Variants in PLD5 observed in about 807,000 individuals in gnomAD.
PLD5 encodes inactive phospholipase D5.
PLD5 carries 36 observed loss-of-function variants against 61.1 expected under a neutral mutation model. The observed-to-expected ratio is 0.59, with a 90% CI of 0.45 to 0.78. PLD5 has a LOEUF of 0.78. Among genes scored for constraint, PLD5 ranks in the 30% least tolerant of loss-of-function variants. The pLI, the probability that PLD5 is intolerant of heterozygous loss-of-function variation, is 0.00. For missense variants in PLD5, 515 were observed against 644.4 expected, an observed-to-expected ratio of 0.80 and a Z score of 2.17; for synonymous variants, 243 against 242.8, an observed-to-expected ratio of 1.00 and a Z score of -0.01.
chr1:242,453,097 A>T (rs1357025061), intron 1 of PLD5, among the ~76,000 whole-genome samples: 1 of 152,162 alleles, frequency 6.6e-6, no homozygotes. Flanking sequence ...CCCCAGCTCG[A>T]TGGTGTTAGG....
At chr1:242,258,796 G>C (rs1398202056) in intron 4 of PLD5, among the ~76,000 whole-genome samples, 1 of 152,168 alleles carries the variant, frequency 6.6e-6, no homozygotes, top group Non-Finnish European at 1.5e-5. Context: ...TAGCACCGTT[G>C]ACACTCTTGG....
At chr1:242,295,738 A>G (rs1675616177) in intron 2 of PLD5, among the ~76,000 whole-genome samples, 1 of 152,136 alleles carries the variant, frequency 6.6e-6, no homozygotes, top group Non-Finnish European at 1.5e-5. Flanking sequence ...TAGGGGTTGA[A>G]CTACTCTACA....
intron 2 of PLD5, among the ~76,000 whole-genome samples, chr1:242,294,167 A>G (rs1382882395): frequency 6.6e-6 from 1 of 152,224 alleles, no homozygotes; most frequent in Non-Finnish European, 1.5e-5. Flanking sequence ...CTAGGGGAAA[A>G]CTGGATATAT....
chr1:242,194,662 C>T (rs557282804), intron 5 of PLD5, among the ~76,000 whole-genome samples: 2 of 149,082 alleles, frequency 1.3e-5, no homozygotes, highest in East Asian at 4.0e-4. Flanking sequence ...ATCTATCTAT[C>T]TATCTACCTA....
chr1:242,527,114 C>CTTTTTTGTTTT (rs1669464750), upstream of PLD5, among the ~76,000 whole-genome samples: 1 of 71,946 alleles, frequency 1.4e-5, no homozygotes, highest in Non-Finnish European at 2.6e-5. Flanking sequence ...CTATCTCCTT[C>CTTTTTTGTTTT]TTTTTTTTTT....
intron 1 of PLD5, among the ~76,000 whole-genome samples, chr1:242,484,551 A>G (rs1393530446): frequency 6.6e-6 from 1 of 152,246 alleles, no homozygotes; most frequent in African/African-American, 2.4e-5. Flanking sequence ...AGGCTCTGAA[A>G]TTGAGGCAAT....
At chr1:242,400,570 T>A (rs1663873394) in intron 1 of PLD5, among the ~76,000 whole-genome samples, 1 of 152,176 alleles carries the variant, frequency 6.6e-6, no homozygotes, top group Non-Finnish European at 1.5e-5. Context: ...ATTTTGTATT[T>A]ATACACAAAA....
Position 242,096,880 on chromosome 1 carries a change from G to A in PLD5, c.1354+3788C>T, listed in dbSNP as rs758922203. Among the ~76,000 whole-genome samples the A allele has an allele frequency of 3.3e-5, 5 of 151,928 alleles. No individual in the cohort carries two copies. In the South Asian group the frequency reaches 8.3e-4, roughly 25 times the overall value. ...TTTAACATTAGGTATATCTCCTAAC[G>A]CTATCCCTCCTCCTTCCCCCTCCCC... is the stretch of plus-strand genomic sequence containing the variant. On this transcript the variant is annotated intron_variant, in intron 9 of 9. Transcript: ENST00000536534.
At chr1:242,359,760 ATTAAG>A (rs1430968887) in intron 1 of PLD5, among the ~76,000 whole-genome samples, 1 of 152,184 alleles carries the variant, frequency 6.6e-6, no homozygotes, top group African/African-American at 2.4e-5. Context: ...ATTATTAATA[ATTAAG>A]TTAAATGACA....
chr1:242,382,196 T>A (rs1057477921), intron 1 of PLD5, among the ~76,000 whole-genome samples: 2 of 149,458 alleles, frequency 1.3e-5, no homozygotes, highest in African/African-American at 4.9e-5. Flanking sequence ...TTATCGAGGG[T>A]TGTATTTTGG....
chr1:242,474,485 G>A (rs1249341696), intron 1 of PLD5, among the ~76,000 whole-genome samples: 1 of 152,116 alleles, frequency 6.6e-6, no homozygotes. Flanking sequence ...CCACTGCCAG[G>A]GTTTTAATTG....
At chr1:242,457,480 T>C (rs970138957) in intron 1 of PLD5, among the ~76,000 whole-genome samples, 1 of 152,222 alleles carries the variant, frequency 6.6e-6, no homozygotes, top group Non-Finnish European at 1.5e-5. Context: ...ATCTAATATA[T>C]GGTCAAAAGT....
intron 1 of PLD5, among the ~76,000 whole-genome samples, chr1:242,412,587 G>A (rs939571180): frequency 7.2e-5 from 11 of 152,030 alleles, no homozygotes; most frequent in African/African-American, 2.7e-4. Context: ...TAACCTTTGG[G>A]GATTCGCTTT....
At chr1:242,183,907 T>A (rs1344384820) in intron 5 of PLD5, among the ~76,000 whole-genome samples, 4 of 146,488 alleles carry the variant, frequency 2.7e-5, no homozygotes, top group African/African-American at 9.8e-5. Context: ...AATAAATAAA[T>A]AAATAAAAAT....
intron 5 of PLD5, among the ~76,000 whole-genome samples, chr1:242,198,701 C>CCAAAAA (rs1668793727): frequency 1.9e-5 from 1 of 51,570 alleles, no homozygotes; most frequent in Non-Finnish European, 4.0e-5. Flanking sequence ...AAGTCCTTAG[C>CCAAAAA]AAAAAAAAAA....
At chr1:242,196,448 G>C (rs1352973771) in intron 5 of PLD5, among the ~76,000 whole-genome samples, 1 of 152,098 alleles carries the variant, frequency 6.6e-6, no homozygotes, top group South Asian at 2.1e-4. Flanking sequence ...CATCAGAAAG[G>C]TATTTGATGA....
chr1:242,194,973 T>C (rs943020365), intron 5 of PLD5, among the ~76,000 whole-genome samples: 1 of 152,042 alleles, frequency 6.6e-6, no homozygotes, highest in Non-Finnish European at 1.5e-5. Context: ...GAATCATCAC[T>C]AAAGAATTTA....
At chr1:242,167,454 A>C (rs150782505) in intron 5 of PLD5, among the ~76,000 whole-genome samples, 2 of 152,320 alleles carry the variant, frequency 1.3e-5, no homozygotes, top group African/African-American at 4.8e-5. Flanking sequence ...TCATGAGAAC[A>C]GCATGGGAAA....
chr1:242,396,255 G>T (rs1315388481), intron 1 of PLD5, among the ~76,000 whole-genome samples: 3 of 152,154 alleles, frequency 2.0e-5, no homozygotes, highest in African/African-American at 7.2e-5. Context: ...ATTGTAGGAT[G>T]CTGAGCAGCA....
Sources: gnomAD v4.1 joint callset for allele counts (sites outside exome capture counted in the v4.1 genomes callset) on GRCh38, gnomAD v4.1.1 for gene constraint, MANE v1.5 for transcripts, NCBI Gene and HGNC (gene_info 2026-07-23, HGNC 2026-07-21) for gene names.